The following COL24A1 variants were observed in gnomAD, a reference collection of about 807,000 sequenced individuals.
COL24A1 encodes the protein collagen alpha-1(XXIV) chain.
A neutral mutation model predicts 253.9 loss-of-function variants in COL24A1; 224 were observed. The ratio of observed to expected loss-of-function variants is 0.88; its 90% CI spans 0.79 to 0.99. COL24A1 has a LOEUF of 0.99. Among genes scored for constraint, COL24A1 ranks in the 50% least tolerant of loss-of-function variants. The probability of loss-of-function intolerance (pLI) is 0.00; values close to 1 mark genes in which losing one functional copy is unlikely to be tolerated. For missense variants in COL24A1, 2,131 were observed against 2,068.5 expected (o/e 1.03, Z -0.59); for synonymous variants, 685 against 673.7 (o/e 1.02, Z -0.26).
At chr1:85,976,828 G>A (rs985375795) in intron 20 of COL24A1, among the ~76,000 whole-genome samples, 6 of 152,184 alleles carry the variant, frequency 3.9e-5, no homozygotes, top group Non-Finnish European at 5.9e-5. Flanking sequence ...CTCCAAGGAA[G>A]GAGAAAACAA....
At chr1:85,881,917 G>A (rs1268107750) in intron 32 of COL24A1, among the ~76,000 whole-genome samples, 2 of 151,698 alleles carry the variant, frequency 1.3e-5, no homozygotes, top group East Asian at 3.9e-4. Context: ...TAGTTTCCTA[G>A]GATGGAAGCT....
At chr1:86,133,286 GT>G (rs1426386525) in intron 2 of COL24A1, among the ~76,000 whole-genome samples, 2 of 152,102 alleles carry the variant, frequency 1.3e-5, no homozygotes, top group Non-Finnish European at 2.9e-5. Flanking sequence ...ATACAATCAT[GT>G]CATCTGCAAA....
intron 29 of COL24A1, 123 bp from the exon 30 acceptor site, chr1:85,896,188 A>T (rs1683689660): frequency 8.3e-7 from 1 of 1,210,880 alleles, no homozygotes; most frequent in African/African-American, 1.5e-5. Context: ...ATTATTGAAA[A>T]GAAAACATCT....
intron 19 of COL24A1, among the ~76,000 whole-genome samples, chr1:86,016,120 C>G (rs546894193): frequency 6.6e-6 from 1 of 151,926 alleles, no homozygotes; most frequent in Non-Finnish European, 1.5e-5. Flanking sequence ...AGGCGATCCT[C>G]TCACATCAGC....
intron 28 of COL24A1, among the ~76,000 whole-genome samples, chr1:85,903,452 C>T (rs939052333): frequency 2.6e-5 from 4 of 152,098 alleles, no homozygotes; most frequent in Non-Finnish European, 4.4e-5. Flanking sequence ...ATAAGCTTTA[C>T]GACAGGCTGT....
At position 85,729,992 on chromosome 1, in the gene COL24A1, A is replaced by G. The variant is rs1663319276; in HGVS notation, c.*554T>C. 1 of 152,744 alleles carries G rather than the reference A, an allele frequency of 6.5e-6. No homozygotes were observed. The highest frequency in any genetic ancestry group is 2.1e-4 in the South Asian group (1 of 4,840). 9.5% of individuals were successfully genotyped at this position (152,744 alleles called of 1,614,324 possible). A position where few individuals can be genotyped will look rare whatever the true frequency, so the allele number is the denominator to read the frequency against. On this transcript the variant is annotated 3_prime_UTR_variant, in exon 60 of 60. Coordinates refer to ENST00000370571, the MANE Select transcript of COL24A1 (RefSeq NM_152890.7). ...ACAAAGATGAAAAAGGAAATAGTCTATGAAAGCCATAAGCACCTTGTTTTC... is the reference window on the plus strand; with the variant it reads ...ACAAAGATGAAAAAGGAAATAGTCTGTGAAAGCCATAAGCACCTTGTTTTC...
chr1:86,062,689 C>T (rs1701179970), intron 8 of COL24A1, among the ~76,000 whole-genome samples: 1 of 152,138 alleles, frequency 6.6e-6, no homozygotes, highest in African/African-American at 2.4e-5. Flanking sequence ...ACTCACCCTT[C>T]TCATCTTTTT....
At chr1:86,030,147 A>T (rs1447739638) in intron 14 of COL24A1, 1 of 152,266 alleles carries the variant, frequency 6.6e-6, no homozygotes, top group African/African-American at 2.4e-5. Context: ...AAGAAAAAAA[A>T]ACCCAAAATC....
At chr1:86,099,206 A>G (rs1286697281) in intron 5 of COL24A1, among the ~76,000 whole-genome samples, 1 of 152,192 alleles carries the variant, frequency 6.6e-6, no homozygotes, top group East Asian at 1.9e-4. Context: ...TTTCCGAGTG[A>G]TAATGAAAAT....
rs533525383 is a variant in COL24A1 at position 86,053,626 on chromosome 1, T to C, written c.1852-3449A>G. Among the ~76,000 whole-genome samples the C allele has an allele frequency of 1.2e-3, 181 of 152,176 alleles. 3 individuals are homozygous for C. The highest frequency in any genetic ancestry group is 6.8e-3 in the Middle Eastern group (2 of 294). ...AGATCCAGTTAGAAGCAATTTTGTGTCACCAGCAGGACCACCAGAAGGTCG... is the reference window on the plus strand; with the variant it reads ...AGATCCAGTTAGAAGCAATTTTGTGCCACCAGCAGGACCACCAGAAGGTCG... On this transcript the variant is annotated intron_variant, in intron 10 of 59. Coordinates refer to ENST00000370571, the MANE Select transcript of COL24A1 (RefSeq NM_152890.7).
At chr1:85,836,594 G>C (rs1268402112) in intron 43 of COL24A1, among the ~76,000 whole-genome samples, 1 of 152,188 alleles carries the variant, frequency 6.6e-6, no homozygotes, top group Non-Finnish European at 1.5e-5. Context: ...AGAAAACTTG[G>C]TGAGGGAGAA....
At chr1:86,145,311 C>T (rs1651722283) in intron 2 of COL24A1, among the ~76,000 whole-genome samples, 1 of 152,090 alleles carries the variant, frequency 6.6e-6, no homozygotes, top group African/African-American at 2.4e-5. Context: ...TTTGGCAGCT[C>T]TGTGCAGAAG....
At chr1:85,912,147 A>G (rs984090588) in intron 24 of COL24A1, among the ~76,000 whole-genome samples, 1 of 152,228 alleles carries the variant, frequency 6.6e-6, no homozygotes, top group African/African-American at 2.4e-5. Context: ...AATAATAATA[A>G]GAGGCCAGCC....
chr1:86,116,606 G>A (rs531839338), intron 3 of COL24A1, among the ~76,000 whole-genome samples: 1 of 152,010 alleles, frequency 6.6e-6, no homozygotes, highest in Non-Finnish European at 1.5e-5. Context: ...AGAGGGAAAT[G>A]AGTAAATTAT....
chr1:85,745,996 T>C (rs1166782299), intron 55 of COL24A1, among the ~76,000 whole-genome samples: 1 of 152,184 alleles, frequency 6.6e-6, no homozygotes, highest in Non-Finnish European at 1.5e-5. Context: ...AGTTGGAAAA[T>C]GTACCATGAG....
intron 24 of COL24A1, among the ~76,000 whole-genome samples, chr1:85,958,726 C>T (rs981091460): frequency 2.0e-5 from 3 of 151,922 alleles, no homozygotes; most frequent in African/African-American, 4.8e-5. Flanking sequence ...TACAGTTCTT[C>T]GAATACTTTC....
chr1:85,825,133 C>A (rs527934899), intron 43 of COL24A1, among the ~76,000 whole-genome samples: 17 of 142,482 alleles, frequency 1.2e-4, no homozygotes, highest in African/African-American at 4.4e-4. Flanking sequence ...TCCATGTGTT[C>A]TCATTGTTCA....
At chr1:85,759,428 A>G (rs918061316) in intron 55 of COL24A1, among the ~76,000 whole-genome samples, 40 of 152,266 alleles carry the variant, frequency 2.6e-4, no homozygotes, top group African/African-American at 8.9e-4. Flanking sequence ...AGTTTCATGG[A>G]GGCTGACTTT....
At chr1:85,956,088 A>C (rs1396797638) in intron 24 of COL24A1, among the ~76,000 whole-genome samples, 1 of 152,224 alleles carries the variant, frequency 6.6e-6, no homozygotes, top group Non-Finnish European at 1.5e-5. Flanking sequence ...GAAGATAAAA[A>C]TTTTGGATTT....
Sources: allele counts gnomAD v4.1 joint callset (sites outside exome capture counted in the v4.1 genomes callset), GRCh38; gene constraint gnomAD v4.1.1; transcripts MANE v1.5; gene names NCBI Gene and HGNC (gene_info 2026-07-23, HGNC 2026-07-21).